The following ATP8B4 variants were observed in gnomAD, a reference collection of about 807,000 sequenced individuals.
The protein encoded by ATP8B4 is ATPase phospholipid transporting 8B4 (putative).
A neutral mutation model predicts 145.6 loss-of-function variants in ATP8B4; 133 were observed. The observed-to-expected ratio is 0.91, with a 90% CI of 0.79 to 1.05. The LOEUF is 1.05. ATP8B4 is among the 50% of genes least tolerant of loss of function. The probability of loss-of-function intolerance (pLI) is 0.00; values close to 1 mark genes in which losing one functional copy is unlikely to be tolerated. For synonymous variants in ATP8B4, 507 were observed against 492.9 expected, an observed-to-expected ratio of 1.03 and a Z score of -0.38; for missense variants, 1,458 against 1,425.2, an observed-to-expected ratio of 1.02 and a Z score of -0.37.
intron 9 of ATP8B4, among the ~76,000 whole-genome samples, chr15:49,994,273 C>A (rs1241066674): frequency 6.6e-6 from 1 of 152,134 alleles, no homozygotes; most frequent in Non-Finnish European, 1.5e-5. Flanking sequence ...CCTGGTCCTA[C>A]AAGGCCACTT....
chr15:49,948,758 C>A (rs1217527730), intron 14 of ATP8B4, among the ~76,000 whole-genome samples: 1 of 152,180 alleles, frequency 6.6e-6, no homozygotes, highest in Non-Finnish European at 1.5e-5. Context: ...AGCCTGTTCA[C>A]TCTGATGATA....
At chr15:50,108,292 T>C (rs1328224554) in intron 1 of ATP8B4, among the ~76,000 whole-genome samples, 1 of 152,066 alleles carries the variant, frequency 6.6e-6, no homozygotes, top group Non-Finnish European at 1.5e-5. Flanking sequence ...TGTTCCTCCC[T>C]TGTTCCAGGC....
intron 7 of ATP8B4, 151 bp from the exon 8 acceptor site, chr15:50,002,374 T>G (rs2153561411): frequency 1.7e-6 from 1 of 593,130 alleles, no homozygotes; most frequent in South Asian, 2.2e-5. Flanking sequence ...CTATGTCATA[T>G]GCCCTGAACC....
intron 1 of ATP8B4, among the ~76,000 whole-genome samples, chr15:50,135,411 T>C (rs561868000): frequency 6.6e-6 from 1 of 152,224 alleles, no homozygotes; most frequent in African/African-American, 2.4e-5. Context: ...CCTTTCATTT[T>C]AACCCCATTT....
chr15:50,040,590 T>C (rs2051200603), intron 5 of ATP8B4, among the ~76,000 whole-genome samples: 1 of 152,180 alleles, frequency 6.6e-6, no homozygotes, highest in Non-Finnish European at 1.5e-5. Flanking sequence ...AAGGAGACTT[T>C]TTGTTTAGTC....
chr15:50,137,914 T>C (rs72737017), intron 1 of ATP8B4, among the ~76,000 whole-genome samples: 61 of 152,344 alleles, frequency 4.0e-4, no homozygotes, highest in Non-Finnish European at 8.1e-4. Flanking sequence ...CAAGATTCTC[T>C]GCTCAGCTAC....
chr15:49,897,386 C>T lies in ATP8B4; in HGVS notation c.2603G>A (p.Arg868Gln), dbSNP rs778511160. The T allele has an allele frequency of 2.1e-5, 34 of 1,613,738 alleles. No homozygotes were observed. The highest frequency in any genetic ancestry group is 5.5e-5 in the South Asian group (5 of 91,062). The change falls in exon 23 of 28, where the codon CGA (arginine) becomes CAA (glutamine). Residue 868 changes from arginine (R) to glutamine (Q), a missense_variant. Physicochemically the swap from Arg to Gln is conservative, Grantham distance 43. Transcript: ENST00000284509. ...GAAATAGCATAAGAATTTGCACATT[C>T]GGAAATAAGACCACCTTCCATGAAC... ...LLVHGRWSYF[R>Q]MCKFLCYFFY...
intron 23 of ATP8B4, among the ~76,000 whole-genome samples, chr15:49,890,768 G>C (rs982810544): frequency 2.6e-5 from 4 of 152,148 alleles, no homozygotes; most frequent in African/African-American, 7.2e-5. Flanking sequence ...GAAAAACAGG[G>C]AATGGAAAAG....
At chr15:50,153,583 C>T (rs1044935125) in intron 1 of ATP8B4, among the ~76,000 whole-genome samples, 1 of 152,098 alleles carries the variant, frequency 6.6e-6, no homozygotes, top group Admixed American at 6.6e-5. Flanking sequence ...GTGATCCGCC[C>T]GCCTTGGCCT....
chr15:49,962,060 C>T (rs374981335), intron 13 of ATP8B4, 40 bp from the exon 14 acceptor site: 24 of 1,466,226 alleles, frequency 1.6e-5, no homozygotes, highest in South Asian at 5.1e-5. Flanking sequence ...TAAGTGAAAC[C>T]GAAATTAGAA....
At chr15:49,878,998 A>G (rs1223897357) in intron 24 of ATP8B4, among the ~76,000 whole-genome samples, 1 of 152,218 alleles carries the variant, frequency 6.6e-6, no homozygotes, top group Non-Finnish European at 1.5e-5. Context: ...AACCACAGAC[A>G]CTAGTTCTGA....
chr15:50,029,780 T>C (rs2050298334), intron 6 of ATP8B4, among the ~76,000 whole-genome samples: 1 of 152,154 alleles, frequency 6.6e-6, no homozygotes, highest in African/African-American at 2.4e-5. Flanking sequence ...CACAAATTAA[T>C]TGTAGTTAAC....
chr15:50,047,293 A>T, intron 4 of ATP8B4, 58 bp downstream of exon 4: 1 of 1,103,384 alleles, frequency 9.1e-7, no homozygotes, highest in Non-Finnish European at 1.4e-6. Flanking sequence ...CTTACTTTTT[A>T]CAATTTTATG....
At chr15:50,137,288 A>T (rs1420166309) in intron 1 of ATP8B4, among the ~76,000 whole-genome samples, 1 of 152,184 alleles carries the variant, frequency 6.6e-6, no homozygotes, top group Non-Finnish European at 1.5e-5. Flanking sequence ...AATCAAAGTA[A>T]ATTCTTCTAG....
At position 50,054,110 on chromosome 15, in the gene ATP8B4, T is replaced by G. The variant is rs112797654; in HGVS notation, c.88-6646A>C. On this transcript the variant is annotated intron_variant, in intron 3 of 27. Transcript: ENST00000284509. ...CAAATAATTCAACTGTATCAAGAAA[T>G]GCAATGTACTAGTCAGGATAACCAG... Among the ~76,000 whole-genome samples the G allele has an allele frequency of 6.0e-4, 92 of 152,336 alleles. 1 individual carries two copies. Among genetic ancestry groups the G allele is most frequent in the African/African-American group, 2.1e-3 (86 of 41,572 alleles).
chr15:50,068,996 G>C (rs980218305), intron 3 of ATP8B4, among the ~76,000 whole-genome samples: 3 of 152,068 alleles, frequency 2.0e-5, no homozygotes, highest in African/African-American at 7.2e-5. Context: ...TGGCTGTTTG[G>C]CTCACTCACA....
At chr15:50,012,498 G>A (rs1039898713) in intron 6 of ATP8B4, among the ~76,000 whole-genome samples, 7 of 152,098 alleles carry the variant, frequency 4.6e-5, no homozygotes, top group African/African-American at 1.7e-4. Flanking sequence ...GGATGTTGAC[G>A]CCGAGCCTAG....
At chr15:49,985,331 C>T (rs2046508182) in intron 10 of ATP8B4, among the ~76,000 whole-genome samples, 2 of 152,026 alleles carry the variant, frequency 1.3e-5, no homozygotes, top group South Asian at 2.1e-4. Flanking sequence ...CTCCTGACCT[C>T]GTGATCCACC....
At chr15:50,093,715 A>G (rs547548202) in intron 2 of ATP8B4, among the ~76,000 whole-genome samples, 2 of 152,266 alleles carry the variant, frequency 1.3e-5, no homozygotes, top group South Asian at 2.1e-4. Context: ...GCCAAAGTTT[A>G]TCAAACTGAA....
Sources: allele counts gnomAD v4.1 joint callset (sites outside exome capture counted in the v4.1 genomes callset), GRCh38; gene constraint gnomAD v4.1.1; transcripts MANE v1.5; gene names NCBI Gene and HGNC (gene_info 2026-07-23, HGNC 2026-07-21).